RGS21: variants seen among roughly 807,000 people sequenced by gnomAD.
RGS21 encodes regulator of G protein signaling 21.
In RGS21, 19 loss-of-function variants were observed where a neutral mutation model predicts 18.7. That is an observed-to-expected ratio of 1.01 (90% confidence interval 0.71 to 1.49). The LOEUF is 1.49. Ranked by LOEUF, RGS21 falls within the 40% of genes most tolerant of loss-of-function variation. The pLI is 0.00. For synonymous variants in RGS21, 56 were observed against 57.8 expected (o/e 0.97, Z 0.14); for missense variants, 194 against 176.8 (o/e 1.10, Z -0.55).
chr1:192,352,018 T>C (rs779011235), intron 3 of RGS21, 29 bp from the exon 4 acceptor site: 1 of 1,433,986 alleles, frequency 7.0e-7, no homozygotes, highest in Non-Finnish European at 9.5e-7. Flanking sequence ...TATGCTATTA[T>C]ACAAAACTTT....
intron 4 of RGS21, among the ~76,000 whole-genome samples, chr1:192,353,065 TACAGAGGTGAAATGCTG>T (rs935727779): frequency 6.6e-6 from 1 of 151,986 alleles, no homozygotes; most frequent in Non-Finnish European, 1.5e-5. Context: ...TCATCTTTCA[TACAGAGGTGAAATGCTG>T]ACATCTTTAT....
intron 4 of RGS21, among the ~76,000 whole-genome samples, chr1:192,361,118 T>G (rs551691084): frequency 1.3e-5 from 2 of 152,238 alleles, no homozygotes; most frequent in South Asian, 4.1e-4. Context: ...TGTGTGATAT[T>G]TAGCATAAAG....
intron 4 of RGS21, among the ~76,000 whole-genome samples, chr1:192,361,886 A>T (rs920836713): frequency 6.6e-6 from 1 of 152,114 alleles, no homozygotes; most frequent in Non-Finnish European, 1.5e-5. Context: ...GAATATAATA[A>T]AAAGGAAATT....
In RGS21 at chr1:192,331,803, T is replaced by C. The variant is rs189474877; in HGVS notation, c.-60-11174T>C. Among the ~76,000 whole-genome samples, 12 of 151,990 alleles carry C rather than the reference T, an allele frequency of 7.9e-5. No homozygotes were observed. The East Asian group carries it at 1.9e-3, about 24-fold the overall frequency. Reference sequence around the variant, plus strand: ...TTTTTTTAAAATTTAGACACAAGGGTCTCTACTTTTGTTAAAAGATTGAAA... The same window carrying C: ...TTTTTTTAAAATTTAGACACAAGGGCCTCTACTTTTGTTAAAAGATTGAAA... On this transcript the variant is annotated intron_variant, in intron 1 of 4. Coordinates refer to ENST00000417209, the MANE Select transcript of RGS21 (RefSeq NM_001039152.3).
chr1:192,360,879 AT>A (rs963534272), intron 4 of RGS21, among the ~76,000 whole-genome samples: 6 of 151,952 alleles, frequency 3.9e-5, no homozygotes, highest in Non-Finnish European at 8.8e-5. Context: ...TAGGGACGCA[AT>A]TTTTTTCTTT....
chr1:192,345,221 G>T (rs1378223455), intron 2 of RGS21, among the ~76,000 whole-genome samples: 2 of 152,034 alleles, frequency 1.3e-5, no homozygotes, highest in African/African-American at 4.8e-5. Context: ...AAAGGACACT[G>T]CCTTCTAGAA....
chr1:192,343,256 T>G (rs1309357231), intron 2 of RGS21, among the ~76,000 whole-genome samples: 1 of 152,110 alleles, frequency 6.6e-6, no homozygotes, highest in African/African-American at 2.4e-5. Context: ...ATTCTTCATG[T>G]GGGCTAAAGA....
intron 4 of RGS21, 89 bp downstream of exon 4, chr1:192,352,302 C>A: frequency 1.1e-6 from 1 of 894,850 alleles, no homozygotes; most frequent in Non-Finnish European, 1.6e-6. Context: ...AAAAGATAAT[C>A]AAATTCTCAG....
chr1:192,339,740 A>G lies in RGS21; in HGVS notation c.-60-3237A>G, dbSNP rs532567985. On this transcript the variant is annotated intron_variant, in intron 1 of 4. Coordinates refer to ENST00000417209, the MANE Select transcript of RGS21 (RefSeq NM_001039152.3). ...AAATTTTCTTAAACTTTGTTTTGCA[A>G]TTTCAAGGAGAAAAAACTATGTTAC... Among the ~76,000 whole-genome samples the G allele has an allele frequency of 1.6e-3, 251 of 152,164 alleles. 1 individual carries two copies. Among genetic ancestry groups the G allele is most frequent in the Non-Finnish European group, 2.9e-3 (200 of 67,990 alleles).
chr1:192,343,442 T>C (rs960136932), intron 2 of RGS21, among the ~76,000 whole-genome samples: 3 of 152,136 alleles, frequency 2.0e-5, no homozygotes, highest in Non-Finnish European at 4.4e-5. Flanking sequence ...CTGGAGCACA[T>C]GGACTCCTTG....
In RGS21 at chr1:192,318,503, C is replaced by G. The variant is rs558812434; in HGVS notation, c.-61+1398C>G. Among the ~76,000 whole-genome samples, 7 of 152,180 alleles carry G rather than the reference C, an allele frequency of 4.6e-5. No individual in the cohort carries two copies. In the South Asian group the frequency reaches 1.4e-3, roughly 31 times the overall value. On this transcript the variant is annotated intron_variant, in intron 1 of 4. Coordinates refer to ENST00000417209, the MANE Select transcript of RGS21 (RefSeq NM_001039152.3). ...CGCTGAGCTAAACTCTCTGTTCAGG[C>G]CTTTATGCGATGTTGTCCTCGCCCA...
chr1:192,341,557 C>A (rs1200257881), intron 1 of RGS21, among the ~76,000 whole-genome samples: 1 of 151,940 alleles, frequency 6.6e-6, no homozygotes, highest in Non-Finnish European at 1.5e-5. Context: ...TAAATAAAAT[C>A]CAATTATTAG....
intron 1 of RGS21, among the ~76,000 whole-genome samples, chr1:192,330,038 A>G (rs1019391501): frequency 2.6e-5 from 4 of 152,190 alleles, no homozygotes; most frequent in Non-Finnish European, 4.4e-5. Context: ...TTAATATTAT[A>G]TATCAACTGG....
Position 192,363,649 on chromosome 1 carries a change from A to G in RGS21, c.256-2272A>G, listed in dbSNP as rs560582909. 5.3e-5 allele frequency among the ~76,000 whole-genome samples: 8 copies of G among 152,232 alleles called. No homozygotes were observed. In the South Asian group the frequency reaches 1.2e-3, roughly 24 times the overall value. The stretch of plus-strand genomic sequence containing the variant: ...GCACAAAACCTTTCAGTATCTTTCT[A>G]TTGCTTCTAGCAGGAAAATAAGTCC... On this transcript the variant is annotated intron_variant, in intron 4 of 4. Transcript: ENST00000417209.
At chr1:192,342,341 C>A (rs1658883114) in intron 1 of RGS21, among the ~76,000 whole-genome samples, 1 of 151,836 alleles carries the variant, frequency 6.6e-6, no homozygotes, top group African/African-American at 2.4e-5. Context: ...AATATATTAG[C>A]CTTATTACAT....
chr1:192,319,132 C>T (rs574681989), intron 1 of RGS21, among the ~76,000 whole-genome samples: 1 of 152,150 alleles, frequency 6.6e-6, no homozygotes, highest in African/African-American at 2.4e-5. Context: ...ACTTGTAATC[C>T]TAGCTACTTG....
chr1:192,354,873 C>A (rs574332479), intron 4 of RGS21, among the ~76,000 whole-genome samples: 17 of 151,754 alleles, frequency 1.1e-4, no homozygotes, highest in African/African-American at 4.1e-4. Flanking sequence ...TTTGCTGATG[C>A]AATTGGACAA....
At chr1:192,331,849 T>C in intron 1 of RGS21, among the ~76,000 whole-genome samples, 1 of 152,092 alleles carries the variant, frequency 6.6e-6, no homozygotes, top group Non-Finnish European at 1.5e-5. Flanking sequence ...CTCTTTTCCT[T>C]TGAGACCATT....
At chr1:192,361,115 TA>T (rs1287568682) in intron 4 of RGS21, among the ~76,000 whole-genome samples, 1 of 152,148 alleles carries the variant, frequency 6.6e-6, no homozygotes, top group Non-Finnish European at 1.5e-5. Flanking sequence ...GGTTGTGTGA[TA>T]TTTAGCATAA....
Sources: allele counts gnomAD v4.1 joint callset (sites outside exome capture counted in the v4.1 genomes callset), GRCh38; gene constraint gnomAD v4.1.1; transcripts MANE v1.5; gene names NCBI Gene and HGNC (gene_info 2026-07-23, HGNC 2026-07-21).